ANKRD6: variants seen among roughly 807,000 people sequenced by gnomAD.
The protein encoded by ANKRD6 is ankyrin repeat domain 6, also known as ankyrin repeat domain-containing protein 6.
A neutral mutation model predicts 82.3 loss-of-function variants in ANKRD6; 56 were observed. The observed-to-expected ratio is 0.68, with a 90% CI of 0.55 to 0.85. ANKRD6 has a LOEUF of 0.85. Ranked by LOEUF, ANKRD6 falls within the 40% of genes least tolerant of loss-of-function variation. The pLI, the probability that ANKRD6 is intolerant of heterozygous loss-of-function variation, is 0.00. For synonymous variants in ANKRD6, 347 were observed against 352.1 expected (o/e 0.99, Z 0.16); for missense variants, 852 against 907.6 (o/e 0.94, Z 0.79).
chr6:89,622,128 T>C, intron 10 of ANKRD6, 102 bp downstream of exon 10: 1 of 946,486 alleles, frequency 1.1e-6, no homozygotes, highest in East Asian at 2.5e-5. Context: ...TGCCCGGCCC[T>C]CTCTGCCTCT....
chr6:89,504,571 A>T (rs199949321), intron 1 of ANKRD6, among the ~76,000 whole-genome samples: 2 of 99,298 alleles, frequency 2.0e-5, no homozygotes, highest in Middle Eastern at 4.6e-3. Flanking sequence ...TGGTTAAATT[A>T]AAAAAAAAAA....
chr6:89,631,004 G>A lies in ANKRD6; in HGVS notation c.2184G>A (p.Ter728=). Residue 728 remains the stop codon, a stop_retained_variant, in exon 16 of 16, where the codon TAG becomes TAA. Coordinates refer to ENST00000339746, the MANE Select transcript of ANKRD6 (RefSeq NM_001242809.2). ...KLRTRVQKEN[*] ...GGACTAGGGTGCAGAAGGAAAATTA[G>A]CACCAATAAAGAGGAAATATGAAAG... 2.0e-6 allele frequency: 3 copies of A among 1,517,528 alleles called. No homozygotes were observed. The highest frequency in any genetic ancestry group is 2.6e-6 in the Non-Finnish European group (3 of 1,136,058). The allele number at this position is 1,517,528 out of a possible 1,614,324, so 94.0% of individuals were successfully genotyped here.
chr6:89,480,956 TAGA>T (rs757399536), intron 1 of ANKRD6, among the ~76,000 whole-genome samples: 30 of 53,380 alleles, frequency 5.6e-4, no homozygotes, highest in Middle Eastern at 9.8e-3. Flanking sequence ...AAAAAAAAAA[TAGA>T]AGAAGAAGAA....
intron 2 of ANKRD6, among the ~76,000 whole-genome samples, chr6:89,583,913 C>T (rs771785564): frequency 1.2e-4 from 19 of 152,358 alleles, no homozygotes; most frequent in Middle Eastern, 6.8e-3. Context: ...GCCCCACCAA[C>T]CCCTGAGTGT....
rs188788196 is a variant in ANKRD6, at chr6:89,543,132, C to T, written c.-143-23702C>T. Among the ~76,000 whole-genome samples, 7 of 152,128 alleles carry T rather than the reference C, an allele frequency of 4.6e-5. No homozygotes were observed. In the South Asian group the frequency reaches 8.3e-4, roughly 18 times the overall value. On this transcript the variant is annotated intron_variant, in intron 1 of 15. Transcript: ENST00000339746. ...GAAATGCAAGGAATGTCAGACGTGG[C>T]GAAAGCAAATCTGCAGAGATTCCTT...
At chr6:89,622,229 C>T (rs567907708) in intron 10 of ANKRD6, among the ~76,000 whole-genome samples, 18 of 152,328 alleles carry the variant, frequency 1.2e-4, no homozygotes, top group Admixed American at 3.3e-4. Context: ...CATGTGCCTC[C>T]GTGTGCGCTG....
At chr6:89,626,906 T>C (rs1379312929) in intron 13 of ANKRD6, among the ~76,000 whole-genome samples, 2 of 152,248 alleles carry the variant, frequency 1.3e-5, no homozygotes, top group Admixed American at 1.3e-4. Context: ...AAATATTTGC[T>C]CACTGCAAGA....
intron 1 of ANKRD6, among the ~76,000 whole-genome samples, chr6:89,504,290 T>C (rs1466911090): frequency 6.6e-6 from 1 of 152,080 alleles, no homozygotes; most frequent in Non-Finnish European, 1.5e-5. Flanking sequence ...GATGGGATGC[T>C]GTGAGGTTAA....
intron 5 of ANKRD6, among the ~76,000 whole-genome samples, chr6:89,607,335 T>G (rs1319893714): frequency 0.033 from 1 of 30 alleles, no homozygotes; most frequent in Non-Finnish European, 0.5. Context: ...AGTAGTTATA[T>G]TTTTTTAACT....
At chr6:89,589,634 G>C (rs964932549) in intron 2 of ANKRD6, among the ~76,000 whole-genome samples, 1 of 152,196 alleles carries the variant, frequency 6.6e-6, no homozygotes, top group Non-Finnish European at 1.5e-5. Context: ...TTCATTCTAG[G>C]CATCATTGTG....
At chr6:89,461,537 T>C (rs377135444) in intron 1 of ANKRD6, among the ~76,000 whole-genome samples, 1 of 152,246 alleles carries the variant, frequency 6.6e-6, no homozygotes, top group African/African-American at 2.4e-5. Context: ...CTGATGCTAA[T>C]AATTTAGAAT....
intron 1 of ANKRD6, among the ~76,000 whole-genome samples, chr6:89,518,263 G>A (rs753277896): frequency 1.3e-5 from 2 of 152,158 alleles, no homozygotes; most frequent in African/African-American, 2.4e-5. Flanking sequence ...TTAGCTGGGC[G>A]TGGTGGCGCA....
intron 1 of ANKRD6, among the ~76,000 whole-genome samples, chr6:89,550,907 G>C (rs1386498632): frequency 6.6e-6 from 1 of 152,112 alleles, no homozygotes; most frequent in Admixed American, 6.5e-5. Context: ...AGTGAGCAGA[G>C]ACTGCACCAC....
intron 1 of ANKRD6, among the ~76,000 whole-genome samples, chr6:89,455,152 T>TG (rs113211011): frequency 0.17 from 23,204 of 139,316 alleles, 2,266 homozygotes; most frequent in East Asian, 0.39. Context: ...TGTGTGTGTG[T>TG]TTTTTTTTTT....
intron 13 of ANKRD6, among the ~76,000 whole-genome samples, chr6:89,625,167 C>T (rs1348019786): frequency 6.6e-6 from 1 of 151,990 alleles, no homozygotes; most frequent in Non-Finnish European, 1.5e-5. Context: ...CCTATAATCC[C>T]AGCTACTCGG....
At chr6:89,437,672 G>T (rs1270664393) in intron 1 of ANKRD6, among the ~76,000 whole-genome samples, 1 of 152,068 alleles carries the variant, frequency 6.6e-6, no homozygotes, top group African/African-American at 2.4e-5. Flanking sequence ...CATACAATAC[G>T]TCCTACCTTG....
At chr6:89,439,183 A>G (rs1445150070) in intron 1 of ANKRD6, among the ~76,000 whole-genome samples, 2 of 152,188 alleles carry the variant, frequency 1.3e-5, no homozygotes, top group Non-Finnish European at 2.9e-5. Flanking sequence ...GAATCATCCA[A>G]CCATGTAGAG....
intron 1 of ANKRD6, among the ~76,000 whole-genome samples, chr6:89,511,036 T>C (rs956353242): frequency 2.3e-4 from 35 of 152,308 alleles, no homozygotes; most frequent in Admixed American, 9.8e-4. Context: ...TCAGGGCTTA[T>C]TATAAGGATG....
At position 89,608,224 on chromosome 6, in the gene ANKRD6, C is replaced by G. The variant is rs1018164081; in HGVS notation, c.417+2119C>G. ...GTAGCAGGGGCCTGAGAATTTCCCA[C>G]AGTGCACTGCCACATCACAGAGTGG... On this transcript the variant is annotated intron_variant, in intron 5 of 15. Transcript: ENST00000339746. Among the ~76,000 whole-genome samples the G allele has an allele frequency of 9.9e-5, 15 of 152,170 alleles. No homozygotes were observed. The East Asian group carries it at 2.5e-3, about 25-fold the overall frequency.
Sources: gnomAD v4.1 joint callset for allele counts (sites outside exome capture counted in the v4.1 genomes callset) on GRCh38, gnomAD v4.1.1 for gene constraint, MANE v1.5 for transcripts, NCBI Gene and HGNC (gene_info 2026-07-23, HGNC 2026-07-21) for gene names.